TRPC1: variants seen among roughly 807,000 people sequenced by gnomAD.
The protein encoded by TRPC1 is short transient receptor potential channel 1.
In TRPC1, 42 loss-of-function variants were observed where a neutral mutation model predicts 88.2. That is an observed-to-expected ratio of 0.48 (90% CI 0.37 to 0.62). The LOEUF (loss-of-function observed/expected upper bound fraction) is 0.62. TRPC1 is among the 20% of genes least tolerant of loss of function. The pLI, the probability that TRPC1 is intolerant of heterozygous loss-of-function variation, is 0.00. For missense variants in TRPC1, 699 were observed against 957.3 expected, an observed-to-expected ratio of 0.73 and a Z score of 3.56; for synonymous variants, 288 against 331.8, an observed-to-expected ratio of 0.87 and a Z score of 1.43.
chr3:142,788,050 C>T (rs1936184062), intron 7 of TRPC1, among the ~76,000 whole-genome samples: 1 of 152,302 alleles, frequency 6.6e-6, no homozygotes, highest in Non-Finnish European at 1.5e-5. Context: ...GCTACAGAAA[C>T]ATATTGTACC....
rs569515062 is a variant in TRPC1 at position 142,784,759 on chromosome 3, T to A, written c.1016T>A (p.Met339Lys). The change falls in exon 7 of 13, where the codon ATG (methionine) becomes AAG (lysine). Residue 339 changes from methionine to lysine, a missense_variant. Physicochemically the swap from Met to Lys is moderately conservative, Grantham distance 95. This residue lies in a region of TRPC1 where 426 missense variants were observed against 641.3 expected (regional missense o/e 0.66). Transcript: ENST00000476941. ...QFLNTVWFGQ[M>K]SGYRRKPTCK... ...CTGAACACTGTTTGGTTTGGACAGATGTCGGGTTACCGACGCAAGCCCACC... is the reference window on the plus strand; with the variant it reads ...CTGAACACTGTTTGGTTTGGACAGAAGTCGGGTTACCGACGCAAGCCCACC... The A allele has an allele frequency of 6.2e-7, 1 of 1,614,154 alleles. No individual in the cohort carries two copies. The highest frequency in any genetic ancestry group is 1.1e-5 in the South Asian group (1 of 91,076).
Position 142,724,826 on chromosome 3 carries a change from T to A in TRPC1, c.172+95T>A. On this transcript the variant is annotated intron_variant, in intron 1 of 12. Transcript: ENST00000476941. The surrounding 1 kb of genome is among the most constrained non-coding windows in gnomAD (Gnocchi z 5.6). ...AACTTATATCGGGGCATTCCCTCTG[T>A]CTCAGGCGCCGAGTGTCTTCCCGCC... 1 of 1,372,562 alleles carries A rather than the reference T, an allele frequency of 7.3e-7. No homozygotes were observed. The allele number at this position is 1,372,562 out of a possible 1,614,324, so 85.0% of individuals were successfully genotyped here.
intron 2 of TRPC1, among the ~76,000 whole-genome samples, chr3:142,739,132 G>T (rs549076241): frequency 1.3e-5 from 2 of 151,858 alleles, no homozygotes; most frequent in Non-Finnish European, 2.9e-5. Context: ...GCACCATCAC[G>T]CCCGGCTAAT....
chr3:142,724,763 C>T lies in TRPC1; in HGVS notation c.172+32C>T, dbSNP rs1933597780. ...GTTAGGCCCCTTTCTCCTCTGGACG[C>T]CCCTGTCCTCCAGACCTTTAGTCCT... On this transcript the variant is annotated intron_variant, in intron 1 of 12. Transcript: ENST00000476941. The surrounding 1 kb of genome is among the most constrained non-coding windows in gnomAD (Gnocchi z 5.6). 1 of 1,522,618 alleles carries T rather than the reference C, an allele frequency of 6.6e-7. No homozygotes were observed. Among genetic ancestry groups the T allele is most frequent in the Non-Finnish European group, 8.9e-7 (1 of 1,127,952 alleles). The allele number at this position is 1,522,618 out of a possible 1,614,324, so 94.3% of individuals were successfully genotyped here. A position where few individuals can be genotyped will look rare whatever the true frequency, so the allele number is the denominator to read the frequency against.
chr3:142,737,444 G>A (rs2108023426), intron 2 of TRPC1, among the ~76,000 whole-genome samples: 1 of 151,892 alleles, frequency 6.6e-6, no homozygotes, highest in Admixed American at 6.6e-5. Context: ...CAGCTATCCA[G>A]ACCACAATTG....
At chr3:142,755,873 T>C (rs1417398538) in intron 4 of TRPC1, among the ~76,000 whole-genome samples, 5 of 152,158 alleles carry the variant, frequency 3.3e-5, no homozygotes, top group Non-Finnish European at 7.4e-5. Flanking sequence ...ATTTCTATCA[T>C]TGGAAAAAGT....
At chr3:142,763,600 T>C (rs1014141427) in intron 4 of TRPC1, among the ~76,000 whole-genome samples, 4 of 152,026 alleles carry the variant, frequency 2.6e-5, no homozygotes, top group African/African-American at 9.7e-5. Flanking sequence ...AGGCAGCATA[T>C]AGTTGGGTCT....
At chr3:142,746,275 A>C (rs1188221700) in intron 3 of TRPC1, among the ~76,000 whole-genome samples, 1 of 152,148 alleles carries the variant, frequency 6.6e-6, no homozygotes, top group Non-Finnish European at 1.5e-5. Context: ...TTTTTTATTT[A>C]ATAGTATACA....
chr3:142,806,227 A>G lies in TRPC1; in HGVS notation c.2374A>G (p.Arg792Gly), dbSNP rs757713783. ...TTCTAAATATGCTATGTTTTATCCA[A>G]GAAATTAACCATTTTCTAAATCATG... is the stretch of plus-strand genomic sequence containing the variant. ...RTSKYAMFYP[R>G]N The change falls in exon 13 of 13, where the codon AGA (arginine) becomes GGA (glycine). Residue 792 changes from arginine (R) to glycine (G), a missense_variant. Arg to Gly is a moderately radical substitution (Grantham distance 125, BLOSUM62 -2). Around this residue, in one of 4 missense-constraint regions of TRPC1, gnomAD observed 105 missense variants for 141.7 expected, o/e 0.74. Transcript: ENST00000476941. The G allele has an allele frequency of 1.2e-6, 2 of 1,600,050 alleles. No individual in the cohort carries two copies. The highest frequency in any genetic ancestry group is 1.3e-5 in the African/African-American group (1 of 74,700).
intron 1 of TRPC1, among the ~76,000 whole-genome samples, chr3:142,725,240 G>A (rs1038660598): frequency 6.6e-6 from 1 of 152,172 alleles, no homozygotes; most frequent in African/African-American, 2.4e-5. Context: ...CACCTGACCA[G>A]TGCTTTAGCC....
chr3:142,743,562 A>G lies in TRPC1; in HGVS notation c.405A>G (p.Lys135=). 6.6e-7 allele frequency: 1 copy of G among 1,523,914 alleles called. No individual in the cohort carries two copies. 94.4% of individuals were successfully genotyped at this position (1,523,914 alleles called of 1,614,324 possible). The change falls in exon 3 of 13, where the codon AAA becomes AAG. Residue 135 remains lysine (K), a synonymous_variant. Transcript: ENST00000476941. ...AVDILLNHRP[K]RSSRPTIVKL... ...ATATACTACTTAATCATCGACCAAA[A>G]CGATCATCAAGACCAACTATAGTAG...
At chr3:142,758,282 T>A (rs1935052861) in intron 4 of TRPC1, among the ~76,000 whole-genome samples, 1 of 152,224 alleles carries the variant, frequency 6.6e-6, no homozygotes, top group South Asian at 2.1e-4. Flanking sequence ...TTTGTCCACA[T>A]CTTTGCTTGC....
At chr3:142,761,395 C>G (rs1413425010) in intron 4 of TRPC1, among the ~76,000 whole-genome samples, 2 of 152,176 alleles carry the variant, frequency 1.3e-5, no homozygotes, top group Admixed American at 1.3e-4. Context: ...TATGTTGAAT[C>G]ATTCTTGCAT....
At chr3:142,750,902 C>G (rs1019840477) in intron 4 of TRPC1, among the ~76,000 whole-genome samples, 6 of 152,046 alleles carry the variant, frequency 3.9e-5, no homozygotes, top group African/African-American at 1.4e-4. Flanking sequence ...ACCTATGTAA[C>G]AAACCTGCCA....
At chr3:142,780,202 ATTAGT>A (rs1935915799) in intron 5 of TRPC1, among the ~76,000 whole-genome samples, 2 of 152,300 alleles carry the variant, frequency 1.3e-5, no homozygotes, top group African/African-American at 2.4e-5. Flanking sequence ...TTTCTCACAA[ATTAGT>A]TTAGGCCTGC....
Position 142,767,164 on chromosome 3 carries a change from T to G in TRPC1, c.633-10468T>G, listed in dbSNP as rs1331379602. On this transcript the variant is annotated intron_variant, in intron 4 of 12. Coordinates refer to ENST00000476941, the MANE Select transcript of TRPC1 (RefSeq NM_001251845.2). This position sits in a 1 kb window ranked among gnomAD's most constrained non-coding sequence, Gnocchi z 5.1. Reference sequence around the variant, plus strand: ...ATCCCCAGTGTACAGGTCTTGTGCTTCTTTATTTTTACTGTTTATTCCTAA... The same window carrying G: ...ATCCCCAGTGTACAGGTCTTGTGCTGCTTTATTTTTACTGTTTATTCCTAA... Among the ~76,000 whole-genome samples, 6 of 152,172 alleles carry G rather than the reference T, an allele frequency of 3.9e-5. No individual in the cohort carries two copies. The highest frequency in any genetic ancestry group is 8.8e-5 in the Non-Finnish European group (6 of 68,012).
chr3:142,759,565 G>A (rs1207740983), intron 4 of TRPC1, among the ~76,000 whole-genome samples: 1 of 152,120 alleles, frequency 6.6e-6, no homozygotes, highest in Non-Finnish European at 1.5e-5. Flanking sequence ...GTAGATTCTG[G>A]ATATTAGCCC....
chr3:142,774,712 TG>T lies in TRPC1; in HGVS notation c.633-2919del, dbSNP rs11326162. 9.7e-3 allele frequency among the ~76,000 whole-genome samples: 1,467 copies of T among 151,678 alleles called. 36 individuals carry two copies. Among genetic ancestry groups the T allele is most frequent in the East Asian group, 0.089 (463 of 5,178 alleles). ...TTTTGGATAATTTTGTTCAGTTTTA[TG>T]TATTTTTTTTTTGTGGAGGGGAATT... On this transcript the variant is annotated intron_variant, in intron 4 of 12. Coordinates refer to ENST00000476941, the MANE Select transcript of TRPC1 (RefSeq NM_001251845.2).
At position 142,724,807 on chromosome 3, in the gene TRPC1, T is replaced by C. The variant is rs1185450356; in HGVS notation, c.172+76T>C. On this transcript the variant is annotated intron_variant, in intron 1 of 12. Coordinates refer to ENST00000476941, the MANE Select transcript of TRPC1 (RefSeq NM_001251845.2). The surrounding 1 kb of genome is among the most constrained non-coding windows in gnomAD (Gnocchi z 5.6). ...TAGTCCTCTCCCCCGCCTCAACTTA[T>C]ATCGGGGCATTCCCTCTGTCTCAGG... 20 of 1,417,710 alleles carry C rather than the reference T, an allele frequency of 1.4e-5. No homozygotes were observed. The highest frequency in any genetic ancestry group is 1.8e-5 in the Non-Finnish European group (19 of 1,073,494). The allele number at this position is 1,417,710 out of a possible 1,614,324, so 87.8% of individuals were successfully genotyped here.
Sources: gnomAD v4.1 joint callset for allele counts (sites outside exome capture counted in the v4.1 genomes callset) on GRCh38, gnomAD v4.1.1 for gene constraint, gnomAD v4.1.1 regional missense constraint, Gnocchi (gnomAD v3.1) non-coding constraint, MANE v1.5 for transcripts, NCBI Gene and HGNC (gene_info 2026-07-23, HGNC 2026-07-21) for gene names.